Variants in CDK13 observed in about 807,000 individuals in gnomAD.
CDK13 encodes the protein cyclin dependent kinase 13, also known as cyclin-dependent kinase 13.
A neutral mutation model predicts 137.6 loss-of-function variants in CDK13; 40 were observed. The ratio of observed to expected loss-of-function variants is 0.29; its 90% confidence interval spans 0.23 to 0.38. The LOEUF is 0.38. CDK13 is among the 10% of genes least tolerant of loss of function. The pLI, the probability that CDK13 is intolerant of heterozygous loss-of-function variation, is 1.00. For missense variants in CDK13, 1,704 were observed against 1,951.8 expected (o/e 0.87, Z 2.39); for synonymous variants, 869 against 760.1 (o/e 1.14, Z -2.36).
At chr7:39,988,381 G>T (rs1278012204) in intron 2 of CDK13, 123 bp downstream of exon 2, 5 of 643,818 alleles carry the variant, frequency 7.8e-6, no homozygotes, top group African/African-American at 1.8e-5. Flanking sequence ...ACAAGTGAAT[G>T]AATTTTCTTG....
intron 5 of CDK13, among the ~76,000 whole-genome samples, chr7:40,026,338 A>G (rs943943451): frequency 6.6e-6 from 1 of 152,232 alleles, no homozygotes; most frequent in African/African-American, 2.4e-5. Context: ...GCTAGACCCT[A>G]TCTCTAAAAC....
chr7:39,959,664 C>T lies in CDK13; in HGVS notation c.1211+7812C>T, dbSNP rs559267874. 5.3e-5 allele frequency among the ~76,000 whole-genome samples: 8 copies of T among 152,154 alleles called. No homozygotes were observed. In the East Asian group the frequency reaches 7.7e-4, roughly 15 times the overall value. On this transcript the variant is annotated intron_variant, in intron 1 of 13. Coordinates refer to ENST00000181839, the MANE Select transcript of CDK13 (RefSeq NM_003718.5). ...ATTTTTGGTAGAGACAGCGTTTCAC[C>T]GTGTTGCCAAGGCTGGTCTCGAACT...
At chr7:39,985,269 A>G (rs1023622810) in intron 1 of CDK13, 2 of 152,248 alleles carry the variant, frequency 1.3e-5, no homozygotes, top group African/African-American at 2.4e-5. Context: ...GATGACCTCT[A>G]GTTCCATCCA....
At chr7:39,957,258 C>T (rs866794302) in intron 1 of CDK13, among the ~76,000 whole-genome samples, 3 of 126,406 alleles carry the variant, frequency 2.4e-5, no homozygotes, top group South Asian at 2.5e-4. Flanking sequence ...CCTTAAATCC[C>T]ACTATCTTGA....
At chr7:39,969,046 C>T (rs183542014) in intron 1 of CDK13, among the ~76,000 whole-genome samples, 47 of 152,148 alleles carry the variant, frequency 3.1e-4, no homozygotes, top group Admixed American at 6.5e-4. Flanking sequence ...GATGGAGCCT[C>T]GCTCTGTGGC....
rs540826702 is a variant in CDK13 at position 40,029,295 on chromosome 7, A to T, written c.2354-16541A>T. Among the ~76,000 whole-genome samples, 6 of 151,952 alleles carry T rather than the reference A, an allele frequency of 3.9e-5. No homozygotes were observed. The South Asian group carries it at 1.2e-3, about 32-fold the overall frequency. On this transcript the variant is annotated intron_variant, in intron 5 of 13. Coordinates refer to ENST00000181839, the MANE Select transcript of CDK13 (RefSeq NM_003718.5). ...ATACAAAAATCATTCGATCGTGGTG[A>T]TGGACGCCTGTAGCCCCAGCTACTT...
At chr7:40,017,490 A>G (rs1008209630) in intron 5 of CDK13, among the ~76,000 whole-genome samples, 7 of 152,128 alleles carry the variant, frequency 4.6e-5, no homozygotes, top group African/African-American at 1.7e-4. Context: ...CCCATCTGAT[A>G]AGAGAAAGTA....
At chr7:40,065,936 C>A (rs1325269721) in intron 9 of CDK13, among the ~76,000 whole-genome samples, 1 of 152,118 alleles carries the variant, frequency 6.6e-6, no homozygotes, top group Non-Finnish European at 1.5e-5. Context: ...TGCCTGTAAT[C>A]TCCGCATTTG....
chr7:40,030,094 A>G (rs1254434872), intron 5 of CDK13, among the ~76,000 whole-genome samples: 2 of 152,162 alleles, frequency 1.3e-5, no homozygotes, highest in African/African-American at 2.4e-5. Context: ...CAAAAGCACT[A>G]GTAGCATCTC....
In CDK13 at chr7:39,951,027, A is replaced by G. The variant is rs1787154622; in HGVS notation, c.386A>G (p.Asp129Gly). ...RVFSLPQPQQ[D>G]GGGGASSGGG... ...TTCTCGCTGCCCCAGCCGCAGCAGG[A>G]CGGCGGTGGCGGTGCTAGTAGCGGC... The change falls in exon 1 of 14, where the codon GAC becomes GGC. Residue 129 changes from aspartate (D) to glycine (G), a missense_variant. Physicochemically the swap from Asp to Gly is moderately conservative, Grantham distance 94. Transcript: ENST00000181839. 2 of 1,295,944 alleles carry G rather than the reference A, an allele frequency of 1.5e-6. No homozygotes were observed. Among genetic ancestry groups the G allele is most frequent in the East Asian group, 3.1e-5 (1 of 31,864 alleles). 80.3% of individuals were successfully genotyped at this position (1,295,944 alleles called of 1,614,324 possible). A position where few individuals can be genotyped will look rare whatever the true frequency, so the allele number is the denominator to read the frequency against.
intron 1 of CDK13, among the ~76,000 whole-genome samples, chr7:39,964,930 G>A (rs1343671795): frequency 1.3e-5 from 2 of 152,094 alleles, no homozygotes; most frequent in Admixed American, 6.6e-5. Flanking sequence ...GTAGTTGAGC[G>A]GTTTGGAGTG....
intron 5 of CDK13, among the ~76,000 whole-genome samples, chr7:40,034,509 A>G (rs1239465853): frequency 6.6e-6 from 1 of 152,152 alleles, no homozygotes. Flanking sequence ...CTCTAGCTGC[A>G]TAATATACTA....
chr7:39,988,402 T>A (rs1352421719), intron 2 of CDK13, 144 bp downstream of exon 2: 1 of 595,896 alleles, frequency 1.7e-6, no homozygotes, highest in Non-Finnish European at 2.9e-6. Flanking sequence ...ATTATATGCA[T>A]CTTAAAATGA....
chr7:39,958,420 AG>A (rs1486212918), intron 1 of CDK13, among the ~76,000 whole-genome samples: 1 of 152,202 alleles, frequency 6.6e-6, no homozygotes, highest in African/African-American at 2.4e-5. Context: ...CCGTTAGTAT[AG>A]AAAAGTATAA....
chr7:39,981,146 C>G (rs1417477488), intron 1 of CDK13, among the ~76,000 whole-genome samples: 26 of 152,026 alleles, frequency 1.7e-4, no homozygotes, highest in Admixed American at 1.7e-3. Flanking sequence ...GTGGACAGAT[C>G]ACTTGAGTCC....
At chr7:40,083,001 G>A (rs894405171) in intron 11 of CDK13, among the ~76,000 whole-genome samples, 2 of 151,812 alleles carry the variant, frequency 1.3e-5, no homozygotes, top group Non-Finnish European at 2.9e-5. Flanking sequence ...TACTCCAGAG[G>A]GTGAGGCACG....
At chr7:39,970,173 T>C (rs1255118853) in intron 1 of CDK13, among the ~76,000 whole-genome samples, 3 of 151,748 alleles carry the variant, frequency 2.0e-5, no homozygotes, top group African/African-American at 7.3e-5. Flanking sequence ...CCCAGCTAAA[T>C]TTTGTATTTT....
At chr7:39,983,434 A>T (rs1784272223) in intron 1 of CDK13, among the ~76,000 whole-genome samples, 1 of 152,156 alleles carries the variant, frequency 6.6e-6, no homozygotes, top group Non-Finnish European at 1.5e-5. Context: ...AAATATCTTT[A>T]TATAGAACAA....
intron 5 of CDK13, among the ~76,000 whole-genome samples, chr7:40,010,198 G>T (rs1784867264): frequency 6.6e-6 from 1 of 152,034 alleles, no homozygotes; most frequent in African/African-American, 2.4e-5. Flanking sequence ...CAACTAGATG[G>T]TCCCATCTCA....
Sources: gnomAD v4.1 joint callset for allele counts (sites outside exome capture counted in the v4.1 genomes callset) on GRCh38, gnomAD v4.1.1 for gene constraint, MANE v1.5 for transcripts, NCBI Gene and HGNC (gene_info 2026-07-23, HGNC 2026-07-21) for gene names.